SNX8: variants seen among roughly 807,000 people sequenced by gnomAD.
SNX8 encodes sorting nexin 8.
SNX8 carries 25 observed loss-of-function variants against 51.6 expected under a neutral mutation model. The observed-to-expected ratio is 0.48, with a 90% CI of 0.35 to 0.68. The LOEUF (loss-of-function observed/expected upper bound fraction) is 0.68, where lower values mean the gene tolerates loss of function less well. Ranked by LOEUF, SNX8 falls within the 30% of genes least tolerant of loss-of-function variation. The pLI, the probability that SNX8 is intolerant of heterozygous loss-of-function variation, is 0.00. For synonymous variants in SNX8, 324 were observed against 277.0 expected, an observed-to-expected ratio of 1.17 and a Z score of -1.68; for missense variants, 695 against 624.0, an observed-to-expected ratio of 1.11 and a Z score of -1.21.
At chr7:2,313,264 G>A (rs1249388181) in intron 1 of SNX8, among the ~76,000 whole-genome samples, 2 of 151,890 alleles carry the variant, frequency 1.3e-5, no homozygotes, top group Admixed American at 6.6e-5. Flanking sequence ...GGTGGCTCAC[G>A]CCTGTAATCC....
At chr7:2,266,323 T>A (rs908115992) in intron 5 of SNX8, among the ~76,000 whole-genome samples, 2 of 150,956 alleles carry the variant, frequency 1.3e-5, no homozygotes, top group African/African-American at 4.9e-5. Flanking sequence ...TAGCTGGGAT[T>A]ACAGGTGCCT....
chr7:2,285,932 C>G (rs930422966), intron 1 of SNX8, among the ~76,000 whole-genome samples: 4 of 152,182 alleles, frequency 2.6e-5, no homozygotes, highest in African/African-American at 9.6e-5. Flanking sequence ...ATCCTCCCAC[C>G]TCAACCTATC....
chr7:2,289,774 C>G (rs545722512), intron 1 of SNX8, among the ~76,000 whole-genome samples: 1 of 152,178 alleles, frequency 6.6e-6, no homozygotes, highest in East Asian at 1.9e-4. Flanking sequence ...CAAAGCCATT[C>G]GGGCCAGGCA....
At chr7:2,257,337 G>T in intron 9 of SNX8, 28 bp downstream of exon 9, 1 of 1,593,792 alleles carries the variant, frequency 6.3e-7, no homozygotes. Context: ...AGGCTCCCAC[G>T]GGCCTGCTCG....
rs1795413563 is a variant in SNX8, at chr7:2,264,376, A to G, written c.704T>C (p.Leu235Pro). The change falls in exon 6 of 11, where the codon CTT becomes CCT. Residue 235 changes from leucine (L) to proline (P), a missense_variant. Physicochemically the swap from Leu to Pro is moderately conservative, Grantham distance 98. Coordinates refer to ENST00000222990, the MANE Select transcript of SNX8 (RefSeq NM_013321.4). ...IRNIYNSFHK[L>P]RDRAERIASR... ...TGCGATCCGCTCGGCCCTGTCGCGA[A>G]GCTTGTGAAAGCTATTGTAGATGTT... is the stretch of plus-strand genomic sequence containing the variant. 1.2e-6 allele frequency: 2 copies of G among 1,613,038 alleles called. No homozygotes were observed. Among genetic ancestry groups the G allele is most frequent in the Admixed American group, 3.3e-5 (2 of 60,026 alleles).
At chr7:2,294,285 A>T (rs1796222489) in intron 1 of SNX8, among the ~76,000 whole-genome samples, 1 of 151,938 alleles carries the variant, frequency 6.6e-6, no homozygotes, top group Admixed American at 6.6e-5. Flanking sequence ...ATAAATAAGA[A>T]AAAAAAGAAA....
intron 1 of SNX8, among the ~76,000 whole-genome samples, chr7:2,311,219 C>A (rs1796651491): frequency 6.6e-6 from 1 of 152,150 alleles, no homozygotes; most frequent in Non-Finnish European, 1.5e-5. Flanking sequence ...TGAATACCAC[C>A]AGTGGGCTCT....
At chr7:2,351,593 G>A (rs1195399224) in intron 1 of SNX8, among the ~76,000 whole-genome samples, 1 of 151,482 alleles carries the variant, frequency 6.6e-6, no homozygotes, top group Non-Finnish European at 1.5e-5. Context: ...AGCACTTCGG[G>A]AGGCCAAGGC....
intron 1 of SNX8, among the ~76,000 whole-genome samples, chr7:2,330,952 AG>A (rs1176358151): frequency 6.6e-6 from 1 of 152,076 alleles, no homozygotes. Flanking sequence ...TGGGAGGCCG[AG>A]GCAGGTGGGT....
At chr7:2,274,766 A>G (rs1413989825) in intron 3 of SNX8, among the ~76,000 whole-genome samples, 3 of 152,174 alleles carry the variant, frequency 2.0e-5, no homozygotes, top group Admixed American at 6.5e-5. Context: ...GTGAGCACAC[A>G]GTGCTCCTGG....
At chr7:2,255,304 CA>C in intron 10 of SNX8, 135 bp from the exon 11 acceptor site, 1 of 610,772 alleles carries the variant, frequency 1.6e-6, no homozygotes. Context: ...AAACCTCTGG[CA>C]GAACCAGTGC....
chr7:2,272,835 T>C (rs1032612978), intron 3 of SNX8, among the ~76,000 whole-genome samples: 8 of 151,914 alleles, frequency 5.3e-5, no homozygotes, highest in African/African-American at 1.9e-4. Context: ...AAAAATGGTA[T>C]TTAAATACTT....
chr7:2,338,159 CTACTAAAAAA>C (rs1405348756), intron 1 of SNX8, among the ~76,000 whole-genome samples: 1 of 151,842 alleles, frequency 6.6e-6, no homozygotes, highest in Non-Finnish European at 1.5e-5. Flanking sequence ...AACCCCATCT[CTACTAAAAAA>C]TACTAAAAAT....
chr7:2,321,326 G>A (rs1028675500), intron 1 of SNX8, among the ~76,000 whole-genome samples: 1 of 152,182 alleles, frequency 6.6e-6, no homozygotes, highest in Non-Finnish European at 1.5e-5. Flanking sequence ...TGTTTGGAGA[G>A]TGCCTTGGGA....
At position 2,255,011 on chromosome 7, in the gene SNX8, G is replaced by A; in HGVS notation, c.*45C>T. 3 of 1,263,010 alleles carry A rather than the reference G, an allele frequency of 2.4e-6. No homozygotes were observed. In the South Asian group the frequency reaches 3.8e-5, roughly 16 times the overall value. The allele number at this position is 1,263,010 out of a possible 1,614,324, so 78.2% of individuals were successfully genotyped here. A position where few individuals can be genotyped will look rare whatever the true frequency, so the allele number is the denominator to read the frequency against. ...TACACCGGGACACACCGTTTGGAAA[G>A]AGGTTTTAGTGCGGCCGCAGGGAGC... On this transcript the variant is annotated 3_prime_UTR_variant, in exon 11 of 11. Transcript: ENST00000222990.
Position 2,263,125 on chromosome 7 carries a change from CA to C in SNX8, c.915+104del, listed in dbSNP as rs1021288050. 4.1e-5 allele frequency: 57 copies of C among 1,398,844 alleles called. No homozygotes were observed. The African/African-American group carries it at 7.6e-4, about 19-fold the overall frequency. 86.7% of individuals were successfully genotyped at this position (1,398,844 alleles called of 1,614,324 possible). On this transcript the variant is annotated intron_variant, in intron 7 of 10. Coordinates refer to ENST00000222990, the MANE Select transcript of SNX8 (RefSeq NM_013321.4). ...AGAGGGAGACTCCTTCTCAAAACAA[CA>C]AAACAAAAACGAACTGTGACGCCCA...
At chr7:2,318,609 T>G (rs10236582), upstream of SNX8, among the ~76,000 whole-genome samples, 6 of 151,430 alleles carry the variant, frequency 4.0e-5, no homozygotes, top group East Asian at 9.7e-4. Flanking sequence ...GGCAGGAGAT[T>G]GCTTGAACCT....
chr7:2,251,771 AAC>A lies in SNX8; in HGVS notation c.*3283_*3284del, dbSNP rs909548284. 1 of 152,876 alleles carries A rather than the reference AAC, an allele frequency of 6.5e-6. No homozygotes were observed. The highest frequency in any genetic ancestry group is 1.5e-5 in the Non-Finnish European group (1 of 68,568). 9.5% of individuals were successfully genotyped at this position (152,876 alleles called of 1,614,324 possible). ...TGCCCAACTTTCATACACGTTTAAT[AAC>A]AGTTGTTCACACATGTTTATTGATA... On this transcript the variant is annotated 3_prime_UTR_variant, in exon 11 of 11. Coordinates refer to ENST00000222990, the MANE Select transcript of SNX8 (RefSeq NM_013321.4).
chr7:2,291,345 C>T (rs914293176), intron 1 of SNX8, among the ~76,000 whole-genome samples: 1 of 152,002 alleles, frequency 6.6e-6, no homozygotes, highest in Non-Finnish European at 1.5e-5. Flanking sequence ...CACCTGTAAT[C>T]CCAGCACTTT....
Sources: allele counts gnomAD v4.1 joint callset (sites outside exome capture counted in the v4.1 genomes callset), GRCh38; gene constraint gnomAD v4.1.1; transcripts MANE v1.5; gene names NCBI Gene and HGNC (gene_info 2026-07-23, HGNC 2026-07-21).